TVP23B: variants seen among roughly 807,000 people sequenced by gnomAD.
The protein encoded by TVP23B is trans-golgi network vesicle protein 23 homolog B, also known as Golgi apparatus membrane protein TVP23 homolog B.
A neutral mutation model predicts 30.6 loss-of-function variants in TVP23B; 10 were observed. The ratio of observed to expected loss-of-function variants is 0.33; its 90% CI spans 0.20 to 0.55. TVP23B has a LOEUF of 0.55. Among genes scored for constraint, TVP23B ranks in the 20% least tolerant of loss-of-function variants. TVP23B has a pLI of 0.91. For synonymous variants in TVP23B, 67 were observed against 83.1 expected, an observed-to-expected ratio of 0.81 and a Z score of 1.06; for missense variants, 153 against 243.2, an observed-to-expected ratio of 0.63 and a Z score of 2.47.
At position 18,794,410 on chromosome 17, in the gene TVP23B, C is replaced by T. The variant is rs543159900; in HGVS notation, c.241-3169C>T. 9.9e-5 allele frequency among the ~76,000 whole-genome samples: 15 copies of T among 152,220 alleles called. No homozygotes were observed. In the South Asian group the frequency reaches 1.4e-3, roughly 15 times the overall value. ...CGAAATTGGAATTCTTTTTAAAAAG[C>T]GAACTACTACATATCTTGGGTTTAA... On this transcript the variant is annotated intron_variant, in intron 3 of 6. Coordinates refer to ENST00000307767, the MANE Select transcript of TVP23B (RefSeq NM_016078.6).
At chr17:18,790,775 A>G (rs1315690895) in intron 2 of TVP23B, 121 bp from the exon 3 acceptor site, 33 of 1,484,322 alleles carry the variant, frequency 2.2e-5, no homozygotes, top group Non-Finnish European at 3.0e-5. Flanking sequence ...TACTAAAGTC[A>G]CCTCTTTTAT....
chr17:18,792,446 T>C (rs2036012212), intron 3 of TVP23B, among the ~76,000 whole-genome samples: 1 of 152,262 alleles, frequency 6.6e-6, no homozygotes, highest in African/African-American at 2.4e-5. Flanking sequence ...CTTTAGGTTT[T>C]TCTGTTGTCC....
At chr17:18,786,620 T>A (rs2035909977) in intron 1 of TVP23B, among the ~76,000 whole-genome samples, 1 of 152,252 alleles carries the variant, frequency 6.6e-6, no homozygotes, top group Non-Finnish European at 1.5e-5. Context: ...TCTGAACCAC[T>A]GAGGGCTGGA....
intron 1 of TVP23B, among the ~76,000 whole-genome samples, chr17:18,783,083 T>G (rs1163830248): frequency 9.6e-6 from 1 of 104,458 alleles, no homozygotes; most frequent in Non-Finnish European, 2.2e-5. Flanking sequence ...CACTATTTAT[T>G]TATTTATTGA....
At chr17:18,788,611 G>A (rs1308946979) in intron 1 of TVP23B, among the ~76,000 whole-genome samples, 5 of 150,750 alleles carry the variant, frequency 3.3e-5, no homozygotes, top group Admixed American at 6.6e-5. Flanking sequence ...GTGAAACCCC[G>A]TCTCAACTAA....
At chr17:18,799,911 T>C (rs1196789904) in intron 5 of TVP23B, among the ~76,000 whole-genome samples, 2 of 152,090 alleles carry the variant, frequency 1.3e-5, no homozygotes, top group East Asian at 1.9e-4. Context: ...ATACTTTCCT[T>C]CTTTGGATTT....
chr17:18,785,434 A>G (rs2035889286), intron 1 of TVP23B, among the ~76,000 whole-genome samples: 1 of 145,374 alleles, frequency 6.9e-6, no homozygotes, highest in Non-Finnish European at 1.5e-5. Context: ...AGTACCTGGC[A>G]CTTGGTAGGC....
At position 18,781,275 on chromosome 17, in the gene TVP23B, G is replaced by C. The variant is rs775303254; in HGVS notation, c.-19G>C. The C allele has an allele frequency of 3.1e-5, 48 of 1,568,598 alleles. No individual in the cohort carries two copies. The highest frequency in any genetic ancestry group is 3.7e-5 in the Admixed American group (2 of 53,440). ...TGCGCTGACGTGGCTCCCGGAAGTA[G>C]GGCTGGCGTAGGGCCGCCATGTTGC... is the stretch of plus-strand genomic sequence containing the variant. On this transcript the variant is annotated 5_prime_UTR_variant, in exon 1 of 7. Transcript: ENST00000307767.
chr17:18,805,838 C>T lies in TVP23B; in HGVS notation c.*271C>T. The T allele has an allele frequency of 8.0e-7, 1 of 1,247,860 alleles. No homozygotes were observed. 77.3% of individuals were successfully genotyped at this position (1,247,860 alleles called of 1,614,324 possible). A position where few individuals can be genotyped will look rare whatever the true frequency, so the allele number is the denominator to read the frequency against. On this transcript the variant is annotated 3_prime_UTR_variant, in exon 7 of 7. Transcript: ENST00000307767. ...GCACATTCCATAGGTATGCACACGG[C>T]CATGTAATATCAGTATATCCCAAGT...
chr17:18,792,911 A>G (rs201023573), intron 3 of TVP23B, among the ~76,000 whole-genome samples: 1 of 152,180 alleles, frequency 6.6e-6, no homozygotes, highest in South Asian at 2.1e-4. Flanking sequence ...GTACTTACTA[A>G]AAAAACAAAA....
chr17:18,783,454 T>C (rs984781714), intron 1 of TVP23B, among the ~76,000 whole-genome samples: 3 of 152,170 alleles, frequency 2.0e-5, no homozygotes, highest in African/African-American at 7.2e-5. Context: ...GTCGAGCCCT[T>C]AGTGCTGCCA....
chr17:18,799,845 C>A (rs904227024), intron 5 of TVP23B, among the ~76,000 whole-genome samples: 2 of 151,828 alleles, frequency 1.3e-5, no homozygotes, highest in Non-Finnish European at 2.9e-5. Flanking sequence ...GTAGTATTTT[C>A]TTAGTCCTAT....
chr17:18,788,601 G>A (rs1169613288), intron 1 of TVP23B, among the ~76,000 whole-genome samples: 2 of 151,228 alleles, frequency 1.3e-5, no homozygotes, highest in Admixed American at 6.6e-5. Flanking sequence ...GGCCAACATG[G>A]TGAAACCCCG....
At chr17:18,801,338 A>T (rs1427949365) in intron 5 of TVP23B, among the ~76,000 whole-genome samples, 1 of 151,826 alleles carries the variant, frequency 6.6e-6, no homozygotes, top group East Asian at 1.9e-4. Context: ...AGTTTTGCAT[A>T]AATGCACTTC....
At chr17:18,792,158 C>T (rs947063719) in intron 3 of TVP23B, among the ~76,000 whole-genome samples, 1 of 151,718 alleles carries the variant, frequency 6.6e-6, no homozygotes, top group African/African-American at 2.4e-5. Context: ...CTCAGACTCC[C>T]GAGTAGCTGG....
chr17:18,785,152 T>C (rs934873592), intron 1 of TVP23B, among the ~76,000 whole-genome samples: 1 of 152,172 alleles, frequency 6.6e-6, no homozygotes, highest in Non-Finnish European at 1.5e-5. Context: ...CTCCAGATTT[T>C]TACTACAGTA....
At chr17:18,788,229 G>A (rs1042035103) in intron 1 of TVP23B, among the ~76,000 whole-genome samples, 2 of 150,708 alleles carry the variant, frequency 1.3e-5, no homozygotes, top group African/African-American at 4.9e-5. Context: ...TACTTGGGAA[G>A]GTGAGGCAGG....
chr17:18,783,629 C>T (rs1254269130), intron 1 of TVP23B, among the ~76,000 whole-genome samples: 1 of 150,674 alleles, frequency 6.6e-6, no homozygotes, highest in African/African-American at 2.4e-5. Flanking sequence ...CACTAGCTGC[C>T]TAGTTGCATG....
At chr17:18,799,144 C>T (rs1489865550) in intron 5 of TVP23B, 2 of 312,322 alleles carry the variant, frequency 6.4e-6, no homozygotes, top group Non-Finnish European at 1.0e-5. Flanking sequence ...CCCTTCCCAC[C>T]AGTTTTCTAG....
Sources: allele counts gnomAD v4.1 joint callset (sites outside exome capture counted in the v4.1 genomes callset), GRCh38; gene constraint gnomAD v4.1.1; transcripts MANE v1.5; gene names NCBI Gene and HGNC (gene_info 2026-07-23, HGNC 2026-07-21).